Variants in CSMD1 observed in about 807,000 individuals in gnomAD.
The protein encoded by CSMD1 is CUB and Sushi multiple domains 1, also known as CUB and sushi domain-containing protein 1.
A neutral mutation model predicts 417.5 loss-of-function variants in CSMD1; 213 were observed. The ratio of observed to expected loss-of-function variants is 0.51; its 90% CI spans 0.46 to 0.57. CSMD1 has a LOEUF of 0.57. Ranked by LOEUF, CSMD1 falls within the 20% of genes least tolerant of loss-of-function variation. CSMD1 has a pLI of 0.00. For synonymous variants in CSMD1, 2,862 were observed against 1,736.8 expected, an observed-to-expected ratio of 1.65 and a Z score of -16.11; for missense variants, 6,923 against 4,529.7, an observed-to-expected ratio of 1.53 and a Z score of -15.17.
At chr8:4,465,725 G>C (rs1325399474) in intron 2 of CSMD1, among the ~76,000 whole-genome samples, 1 of 152,142 alleles carries the variant, frequency 6.6e-6, no homozygotes, top group South Asian at 2.1e-4. Flanking sequence ...AAGGATGCTG[G>C]TGTTTGGAGG....
intron 10 of CSMD1, among the ~76,000 whole-genome samples, chr8:3,559,055 G>A (rs1799352134): frequency 6.6e-6 from 1 of 152,202 alleles, no homozygotes; most frequent in South Asian, 2.1e-4. Flanking sequence ...AAGGACCATG[G>A]AGAAGTGTTG....
intron 1 of CSMD1, among the ~76,000 whole-genome samples, chr8:4,991,635 C>A (rs1377474349): frequency 2.6e-5 from 4 of 152,144 alleles, no homozygotes; most frequent in African/African-American, 4.8e-5. Flanking sequence ...TGCTTGCAAG[C>A]GCCTCCGGTG....
At chr8:3,390,043 G>T (rs1006738996) in intron 17 of CSMD1, among the ~76,000 whole-genome samples, 1 of 152,064 alleles carries the variant, frequency 6.6e-6, no homozygotes, top group Non-Finnish European at 1.5e-5. Context: ...CCTGAAACAA[G>T]AAAATGGTGA....
At chr8:3,025,063 T>G (rs762317627) in intron 51 of CSMD1, among the ~76,000 whole-genome samples, 3 of 150,608 alleles carry the variant, frequency 2.0e-5, no homozygotes, top group Non-Finnish European at 4.4e-5. Context: ...GTGGTGTTAT[T>G]CTAAAACTGT....
rs1368049197 is a variant in CSMD1 at position 4,378,808 on chromosome 8, CT to C, written c.415+41144del. 2.6e-5 allele frequency among the ~76,000 whole-genome samples: 4 copies of C among 152,108 alleles called. No individual in the cohort carries two copies. In the East Asian group the frequency reaches 5.8e-4, roughly 22 times the overall value. ...CTGCCCTTGTAAGACGTCAAGGGAG[CT>C]TTTTCCCCTTCTGCCATGTGAGGAC... On this transcript the variant is annotated intron_variant, in intron 3 of 69. Coordinates refer to ENST00000635120, the MANE Select transcript of CSMD1 (RefSeq NM_033225.6).
intron 10 of CSMD1, among the ~76,000 whole-genome samples, chr8:3,561,271 T>C (rs569990383): frequency 1.0e-3 from 152 of 152,320 alleles, no homozygotes; most frequent in Middle Eastern, 3.4e-3. Context: ...CACTCAGCAA[T>C]TCTACTACTA....
chr8:3,853,878 A>G (rs915057353), intron 5 of CSMD1, among the ~76,000 whole-genome samples: 1 of 147,004 alleles, frequency 6.8e-6, no homozygotes, highest in African/African-American at 2.5e-5. Flanking sequence ...ATACTTTAAT[A>G]TATTAATATA....
chr8:4,844,641 C>CA (rs138960739), intron 1 of CSMD1, among the ~76,000 whole-genome samples: 2 of 152,030 alleles, frequency 1.3e-5, no homozygotes. Flanking sequence ...ACAATCCATG[C>CA]AAAAAATATA....
At chr8:3,925,905 T>C (rs1345013326) in intron 5 of CSMD1, among the ~76,000 whole-genome samples, 3 of 152,044 alleles carry the variant, frequency 2.0e-5, no homozygotes, top group Non-Finnish European at 4.4e-5. Context: ...ATATACTATC[T>C]GCATAACAAA....
At chr8:3,312,497 A>G (rs899791825) in intron 23 of CSMD1, among the ~76,000 whole-genome samples, 3 of 152,126 alleles carry the variant, frequency 2.0e-5, no homozygotes, top group Non-Finnish European at 4.4e-5. Flanking sequence ...GCCATTCTAG[A>G]GATCAGTTTT....
chr8:4,233,185 T>A (rs976743134), intron 3 of CSMD1, among the ~76,000 whole-genome samples: 2 of 152,366 alleles, frequency 1.3e-5, no homozygotes, highest in South Asian at 2.1e-4. Flanking sequence ...AACATTCATA[T>A]TGAAAACATA....
chr8:3,224,572 C>A (rs139627326), intron 27 of CSMD1, among the ~76,000 whole-genome samples: 32 of 152,272 alleles, frequency 2.1e-4, no homozygotes, highest in African/African-American at 6.5e-4. Context: ...CAGTGAGGAG[C>A]TGAGCTGGAG....
chr8:3,971,927 A>G (rs1218328691), intron 5 of CSMD1, among the ~76,000 whole-genome samples: 1 of 151,820 alleles, frequency 6.6e-6, no homozygotes, highest in African/African-American at 2.4e-5. Context: ...TATTTTTTTG[A>G]GACAGGGTGT....
intron 2 of CSMD1, among the ~76,000 whole-genome samples, chr8:4,537,673 C>T (rs766003184): frequency 1.3e-5 from 2 of 152,040 alleles, no homozygotes; most frequent in Non-Finnish European, 2.9e-5. Flanking sequence ...TTCATTCTTC[C>T]TCGAAGACTC....
rs537683497 is a variant in CSMD1, at chr8:3,982,835, A to G, written c.818+15068T>C. Among the ~76,000 whole-genome samples, 4 of 152,334 alleles carry G rather than the reference A, an allele frequency of 2.6e-5. No individual in the cohort carries two copies. In the South Asian group the frequency reaches 8.3e-4, roughly 32 times the overall value. On this transcript the variant is annotated intron_variant, in intron 5 of 69. Transcript: ENST00000635120. ...TGAGGGGAGCACGATGGTCACTTTC[A>G]TCATTGCAGCTCTACGCATACCAAG...
intron 10 of CSMD1, among the ~76,000 whole-genome samples, chr8:3,545,218 G>C (rs894312380): frequency 4.6e-5 from 7 of 152,222 alleles, no homozygotes; most frequent in South Asian, 2.1e-4. Context: ...CCATGTGTCT[G>C]TCTATATGTG....
At chr8:4,576,353 G>A (rs552812554) in intron 2 of CSMD1, among the ~76,000 whole-genome samples, 1 of 152,272 alleles carries the variant, frequency 6.6e-6, no homozygotes, top group South Asian at 2.1e-4. Context: ...CACTCTTCAG[G>A]GGAGAGTCAG....
At chr8:4,486,759 C>T (rs905518399) in intron 2 of CSMD1, among the ~76,000 whole-genome samples, 2 of 152,118 alleles carry the variant, frequency 1.3e-5, no homozygotes, top group African/African-American at 4.8e-5. Context: ...CTGCCTGATA[C>T]GAAGAACCTG....
At chr8:4,968,624 G>C (rs970765262) in intron 1 of CSMD1, among the ~76,000 whole-genome samples, 6 of 151,998 alleles carry the variant, frequency 3.9e-5, no homozygotes, top group Non-Finnish European at 7.4e-5. Context: ...CCCTCCCTCA[G>C]TGCTGATTTC....
Sources: allele counts gnomAD v4.1 joint callset (sites outside exome capture counted in the v4.1 genomes callset), GRCh38; gene constraint gnomAD v4.1.1; transcripts MANE v1.5; gene names NCBI Gene and HGNC (gene_info 2026-07-23, HGNC 2026-07-21).